Variants in CAMTA1 observed in about 807,000 individuals in gnomAD.
CAMTA1 encodes calmodulin-binding transcription activator 1.
A neutral mutation model predicts 170.9 loss-of-function variants in CAMTA1; 27 were observed. That is an observed-to-expected ratio of 0.16 (90% CI 0.12 to 0.22). CAMTA1 has a LOEUF of 0.22. CAMTA1 is among the 10% of genes least tolerant of loss of function. The probability of loss-of-function intolerance (pLI) is 1.00; values close to 1 mark genes in which losing one functional copy is unlikely to be tolerated. For missense variants in CAMTA1, 1,619 were observed against 2,217.2 expected (o/e 0.73, Z 5.42); for synonymous variants, 833 against 891.5 (o/e 0.93, Z 1.17).
rs1321207054 is a variant in CAMTA1, at chr1:7,113,536, C to G, written c.302+22165C>G. Among the ~76,000 whole-genome samples the G allele has an allele frequency of 1.3e-5, 2 of 152,232 alleles. No individual in the cohort carries two copies. Among genetic ancestry groups the G allele is most frequent in the African/African-American group, 4.8e-5 (2 of 41,456 alleles). On this transcript the variant is annotated intron_variant, in intron 4 of 22. Transcript: ENST00000303635. This position sits in a 1 kb window ranked among gnomAD's most constrained non-coding sequence, Gnocchi z 4.5. The stretch of plus-strand genomic sequence containing the variant: ...GGGTCTCGGGCAAGACCTCCCCCAA[C>G]AGGCAGACCAGGGCAGTGCCTATTT...
At chr1:7,153,053 T>G (rs1646667213) in intron 4 of CAMTA1, among the ~76,000 whole-genome samples, 1 of 152,198 alleles carries the variant, frequency 6.6e-6, no homozygotes, top group East Asian at 1.9e-4. Flanking sequence ...TCATAGACAC[T>G]TGAAGCAAGT....
At chr1:7,344,774 G>A (rs966358103) in intron 5 of CAMTA1, among the ~76,000 whole-genome samples, 29 of 146,644 alleles carry the variant, frequency 2.0e-4, no homozygotes, top group African/African-American at 6.5e-4. Flanking sequence ...TTGAGGCAGA[G>A]TCTCGCTCTG....
intron 7 of CAMTA1, among the ~76,000 whole-genome samples, chr1:7,645,714 G>A (rs895422345): frequency 3.9e-5 from 6 of 152,268 alleles, no homozygotes; most frequent in Non-Finnish European, 7.3e-5. Flanking sequence ...TCAGGCCAGA[G>A]TACTCAGGCC....
At chr1:7,714,557 T>C (rs1324572132) in intron 11 of CAMTA1, among the ~76,000 whole-genome samples, 1 of 152,032 alleles carries the variant, frequency 6.6e-6, no homozygotes, top group Non-Finnish European at 1.5e-5. Context: ...AGTCTTGCCT[T>C]GTCACCCAGG....
intron 3 of CAMTA1, among the ~76,000 whole-genome samples, chr1:7,062,151 C>G (rs1021739732): frequency 3.3e-5 from 5 of 152,106 alleles, no homozygotes; most frequent in African/African-American, 1.2e-4. Context: ...CTCCTGACCT[C>G]AGGCGATCCA....
At chr1:7,003,713 G>A (rs555875180) in intron 3 of CAMTA1, among the ~76,000 whole-genome samples, 96 of 152,318 alleles carry the variant, frequency 6.3e-4, no homozygotes, top group African/African-American at 2.2e-3. Context: ...TTGTTCAGAA[G>A]TTATTGTTTC....
intron 3 of CAMTA1, among the ~76,000 whole-genome samples, chr1:6,848,446 GC>G (rs1659155527): frequency 6.6e-6 from 1 of 152,184 alleles, no homozygotes; most frequent in African/African-American, 2.4e-5. Flanking sequence ...ACTGCATCTG[GC>G]CTTTTAGCAC....
At chr1:7,302,170 G>T (rs1165600369) in intron 5 of CAMTA1, among the ~76,000 whole-genome samples, 1 of 151,540 alleles carries the variant, frequency 6.6e-6, no homozygotes, top group African/African-American at 2.4e-5. Context: ...GTGGGGGTGG[G>T]GGGTCTCTTG....
At chr1:7,018,582 T>C (rs1700898924) in intron 3 of CAMTA1, among the ~76,000 whole-genome samples, 1 of 152,134 alleles carries the variant, frequency 6.6e-6, no homozygotes, top group East Asian at 1.9e-4. Context: ...CACTGCCAAT[T>C]ATACTAGACT....
At position 6,857,579 on chromosome 1, in the gene CAMTA1, A is replaced by G. The variant is rs191412823; in HGVS notation, c.234+32369A>G. 1.9e-3 allele frequency among the ~76,000 whole-genome samples: 296 copies of G among 152,330 alleles called. 1 individual carries two copies. The highest frequency in any genetic ancestry group is 6.9e-3 in the African/African-American group (285 of 41,584). On this transcript the variant is annotated intron_variant, in intron 3 of 22. Transcript: ENST00000303635. ...AGCAGGCAAGGTAGGGTCGGGCTGT[A>G]GGACAAGGACATGTGTTTTGTTTAC...
intron 5 of CAMTA1, among the ~76,000 whole-genome samples, chr1:7,274,236 A>G (rs1259210765): frequency 1.3e-5 from 2 of 152,190 alleles, no homozygotes; most frequent in Admixed American, 1.3e-4. Context: ...TAATAAAGGC[A>G]CAAATGGGTT....
At chr1:7,005,979 G>A (rs908615470) in intron 3 of CAMTA1, among the ~76,000 whole-genome samples, 6 of 152,232 alleles carry the variant, frequency 3.9e-5, no homozygotes, top group Non-Finnish European at 8.8e-5. Flanking sequence ...GGCAGGGTCT[G>A]TTGGCGGATT....
chr1:7,448,747 T>A (rs1382847834), intron 5 of CAMTA1, among the ~76,000 whole-genome samples: 2 of 152,190 alleles, frequency 1.3e-5, no homozygotes, highest in Non-Finnish European at 2.9e-5. Context: ...ATAAGGACAC[T>A]AATCCCATGC....
At chr1:7,337,752 CG>C (rs1291723793) in intron 5 of CAMTA1, among the ~76,000 whole-genome samples, 1 of 152,118 alleles carries the variant, frequency 6.6e-6, no homozygotes, top group Non-Finnish European at 1.5e-5. Context: ...GAGAGCAGAC[CG>C]AGGTTTCCCT....
At chr1:6,870,423 A>G (rs1328181345) in intron 3 of CAMTA1, among the ~76,000 whole-genome samples, 1 of 152,228 alleles carries the variant, frequency 6.6e-6, no homozygotes, top group Non-Finnish European at 1.5e-5. Context: ...TGAGCTCTGC[A>G]AGTTATTTTA....
chr1:7,310,069 C>T (rs1354949138), intron 5 of CAMTA1, among the ~76,000 whole-genome samples: 1 of 152,140 alleles, frequency 6.6e-6, no homozygotes, highest in African/African-American at 2.4e-5. Flanking sequence ...TGAAGAACTT[C>T]TTTTAGAAAT....
chr1:7,457,763 C>T (rs1291757044), intron 5 of CAMTA1, among the ~76,000 whole-genome samples: 1 of 152,176 alleles, frequency 6.6e-6, no homozygotes, highest in African/African-American at 2.4e-5. Flanking sequence ...TCATCCAGAC[C>T]GAGGGGCCCT....
intron 5 of CAMTA1, among the ~76,000 whole-genome samples, chr1:7,257,748 A>G (rs1209255971): frequency 1.3e-5 from 2 of 152,134 alleles, no homozygotes; most frequent in Non-Finnish European, 2.9e-5. Flanking sequence ...ATATTAAAAT[A>G]TTGTCCGTTG....
At position 7,583,655 on chromosome 1, in the gene CAMTA1, C is replaced by T. The variant is rs190878984; in HGVS notation, c.511-56745C>T. Among the ~76,000 whole-genome samples the T allele has an allele frequency of 6.5e-4, 99 of 152,262 alleles. 1 individual carries two copies. The East Asian group carries it at 0.012, about 18-fold the overall frequency. On this transcript the variant is annotated intron_variant, in intron 6 of 22. Coordinates refer to ENST00000303635, the MANE Select transcript of CAMTA1 (RefSeq NM_015215.4). Reference sequence around the variant, plus strand: ...AGAGCTTATCCCTGACACTCTCTGCCGCCTCTGGGGGGCAGTGACCAGACT... The same window carrying T: ...AGAGCTTATCCCTGACACTCTCTGCTGCCTCTGGGGGGCAGTGACCAGACT...
Sources: allele counts gnomAD v4.1 joint callset (sites outside exome capture counted in the v4.1 genomes callset), GRCh38; gene constraint gnomAD v4.1.1; non-coding constraint Gnocchi (gnomAD v3.1); transcripts MANE v1.5; gene names NCBI Gene and HGNC (gene_info 2026-07-23, HGNC 2026-07-21).